The following ANKRD24 variants were observed in gnomAD, a reference collection of about 807,000 sequenced individuals.
ANKRD24 encodes the protein ankyrin repeat domain 24, also known as ankyrin repeat domain-containing protein 24.
ANKRD24 carries 109 observed loss-of-function variants against 127.8 expected under a neutral mutation model. That is an observed-to-expected ratio of 0.85 (90% CI 0.73 to 1.00). The LOEUF is 1.00. Among genes scored for constraint, ANKRD24 ranks in the 50% least tolerant of loss-of-function variants. ANKRD24 has a pLI of 0.00. For missense variants in ANKRD24, 1,648 were observed against 1,570.2 expected (o/e 1.05, Z -0.84); for synonymous variants, 743 against 671.1 (o/e 1.11, Z -1.66).
At chr19:4,209,014 T>TG in intron 11 of ANKRD24, 3 of 284,354 alleles carry the variant, frequency 1.1e-5, no homozygotes, top group Non-Finnish European at 1.4e-5. Context: ...GGCCAAATTA[T>TG]GGGGCTGGGG....
intron 1 of ANKRD24, among the ~76,000 whole-genome samples, chr19:4,184,022 A>G (rs1404325360): frequency 4.6e-5 from 7 of 152,350 alleles, no homozygotes; most frequent in Non-Finnish European, 7.4e-5. Context: ...GCAAAGGCTG[A>G]GAAAGAGGAA....
intron 1 of ANKRD24, among the ~76,000 whole-genome samples, chr19:4,185,609 G>A (rs1356675539): frequency 6.6e-6 from 1 of 152,224 alleles, no homozygotes; most frequent in African/African-American, 2.4e-5. Flanking sequence ...CAGGTGGACA[G>A]AAGTGCACGT....
Position 4,216,369 on chromosome 19 carries a change from C to T in ANKRD24, c.1356C>T (p.Thr452=), listed in dbSNP as rs1392789423. The T allele has an allele frequency of 6.4e-7, 1 of 1,573,190 alleles. No homozygotes were observed. Among genetic ancestry groups the T allele is most frequent in the Admixed American group, 1.9e-5 (1 of 53,562 alleles). Residue 452 remains threonine (T), a synonymous_variant, in exon 17 of 22, where the codon ACC becomes ACT. Transcript: ENST00000318934. ...ASLQEQVAVL[T]RQNQELMEKV... ...TGCAGGAACAGGTGGCTGTGCTCAC[C>T]AGACAGAACCAGGAACTGATGGAGA...
In ANKRD24 at chr19:4,199,836, G is replaced by C. The variant is rs1243305933; in HGVS notation, c.124-39G>C. 1 of 1,542,902 alleles carries C rather than the reference G, an allele frequency of 6.5e-7. No individual in the cohort carries two copies. Among genetic ancestry groups the C allele is most frequent in the South Asian group, 1.2e-5 (1 of 83,922 alleles). On this transcript the variant is annotated intron_variant, in intron 3 of 21. Transcript: ENST00000318934. The surrounding 1 kb of genome is among the most constrained non-coding windows in gnomAD (Gnocchi z 5.2). ...TCGGGGGCGTGGGGAGGGGACAGCA[G>C]CCAACACTGCCCCACGCACTTCTGG...
At chr19:4,202,986 T>C in intron 7 of ANKRD24, 60 bp downstream of exon 7, 1 of 1,434,312 alleles carries the variant, frequency 7.0e-7, no homozygotes, top group Admixed American at 2.4e-5. Flanking sequence ...ACTTGGGGGT[T>C]ATTCTGCCCA....
Position 4,199,864 on chromosome 19 carries a change from G to C in ANKRD24, c.124-11G>C. ...AACACTGCCCCACGCACTTCTGGGCGTGCCCTGCAGAGTCAAGACTGGGGC... is the reference window on the plus strand; with the variant it reads ...AACACTGCCCCACGCACTTCTGGGCCTGCCCTGCAGAGTCAAGACTGGGGC... On this transcript the variant is annotated splice_polypyrimidine_tract_variant and intron_variant, in intron 3 of 21. Transcript: ENST00000318934. This position sits in a 1 kb window ranked among gnomAD's most constrained non-coding sequence, Gnocchi z 5.2. The C allele has an allele frequency of 1.3e-6, 2 of 1,564,336 alleles. No individual in the cohort carries two copies. Among genetic ancestry groups the C allele is most frequent in the Middle Eastern group, 1.7e-4 (1 of 6,004 alleles).
intron 2 of ANKRD24, among the ~76,000 whole-genome samples, chr19:4,190,623 C>T (rs1383485632): frequency 6.6e-6 from 1 of 152,064 alleles, no homozygotes; most frequent in African/African-American, 2.4e-5. Context: ...ATCCCAGCTA[C>T]TCAGGAGGCT....
chr19:4,224,297 G>C, intron 21 of ANKRD24, 105 bp downstream of exon 21: 1 of 1,424,572 alleles, frequency 7.0e-7, no homozygotes, highest in Non-Finnish European at 9.7e-7. Flanking sequence ...TCTGGGGAGA[G>C]GTTCGTGGCA....
chr19:4,200,261 A>C, intron 5 of ANKRD24, 90 bp downstream of exon 5: 2 of 1,351,568 alleles, frequency 1.5e-6, no homozygotes, highest in Non-Finnish European at 2.0e-6. Context: ...CCAGGTCTCA[A>C]TGTTCCCCGC....
At position 4,195,463 on chromosome 19, in the gene ANKRD24, T is replaced by C. The variant is rs183747646; in HGVS notation, c.37-4220T>C. 2.0e-5 allele frequency among the ~76,000 whole-genome samples: 3 copies of C among 152,270 alleles called. No homozygotes were observed. In the East Asian group the frequency reaches 5.8e-4, roughly 29 times the overall value. ...CTGAGCTGGGAGATCCGTTTCGGTC[T>C]CTTCTCTGGAGAAGCTCAGAGGACC... On this transcript the variant is annotated intron_variant, in intron 2 of 21. Transcript: ENST00000318934. This position sits in a 1 kb window ranked among gnomAD's most constrained non-coding sequence, Gnocchi z 4.2.
At chr19:4,220,215 C>T (rs1182371437) in intron 19 of ANKRD24, among the ~76,000 whole-genome samples, 5 of 152,164 alleles carry the variant, frequency 3.3e-5, no homozygotes, top group Non-Finnish European at 7.3e-5. Flanking sequence ...TCAAGTGATC[C>T]GCCTGCCTCA....
At position 4,190,017 on chromosome 19, in the gene ANKRD24, A is replaced by G. The variant is rs527438764; in HGVS notation, c.36+3556A>G. Among the ~76,000 whole-genome samples the G allele has an allele frequency of 4.5e-4, 69 of 152,292 alleles. 2 individuals carry two copies. In the South Asian group the frequency reaches 0.014, roughly 32 times the overall value. ...AAACGGTCCATTAACTGCCTACAAA[A>G]TGTGGCATTGGGTGAGCTTCATTCA... On this transcript the variant is annotated intron_variant, in intron 2 of 21. Transcript: ENST00000318934.
At chr19:4,188,401 T>TTTTTTA (rs1968189552) in intron 2 of ANKRD24, among the ~76,000 whole-genome samples, 2 of 104,146 alleles carry the variant, frequency 1.9e-5, no homozygotes, top group African/African-American at 8.1e-5. Flanking sequence ...TTTTTTTTTT[T>TTTTTTA]GAGACAGAGT....
At chr19:4,188,553 T>A (rs936910477) in intron 2 of ANKRD24, among the ~76,000 whole-genome samples, 1 of 151,616 alleles carries the variant, frequency 6.6e-6, no homozygotes, top group Non-Finnish European at 1.5e-5. Context: ...TGGGCTAATT[T>A]TTATTTTTTG....
At position 4,198,186 on chromosome 19, in the gene ANKRD24, C is replaced by T. The variant is rs1377519693; in HGVS notation, c.37-1497C>T. The T allele has an allele frequency of 3.5e-6, 2 of 571,710 alleles. No homozygotes were observed. Among genetic ancestry groups the T allele is most frequent in the Non-Finnish European group, 6.2e-6 (2 of 322,966 alleles). The allele number at this position is 571,710 out of a possible 1,614,324, so 35.4% of individuals were successfully genotyped here. ...GGTGAGGGAGCCGGGCCCCCGGCGC[C>T]GCGTCCTCCTCATCCTCCAGGCGAC... On this transcript the variant is annotated intron_variant, in intron 2 of 21. Transcript: ENST00000318934. The surrounding 1 kb of genome is among the most constrained non-coding windows in gnomAD (Gnocchi z 6.1).
rs1404262000 is a variant in ANKRD24, at chr19:4,195,583, T to C, written c.37-4100T>C. Among the ~76,000 whole-genome samples, 2 of 152,018 alleles carry C rather than the reference T, an allele frequency of 1.3e-5. No homozygotes were observed. Among genetic ancestry groups the C allele is most frequent in the Non-Finnish European group, 2.9e-5 (2 of 67,996 alleles). ...TCCATTTTCCTGCCTTGGTTCCCAC[T>C]CCTCCCTCCTCTTGTCCAAACATGT... On this transcript the variant is annotated intron_variant, in intron 2 of 21. Coordinates refer to ENST00000318934, the MANE Select transcript of ANKRD24 (RefSeq NM_001393985.1). The surrounding 1 kb of genome is among the most constrained non-coding windows in gnomAD (Gnocchi z 4.2).
chr19:4,222,340 G>T (rs1438145265), intron 19 of ANKRD24, among the ~76,000 whole-genome samples: 3 of 152,198 alleles, frequency 2.0e-5, no homozygotes. Context: ...AGTGAGCTGA[G>T]ATCACACCAC....
chr19:4,203,856 G>A (rs1889521291), intron 7 of ANKRD24, among the ~76,000 whole-genome samples: 3 of 151,548 alleles, frequency 2.0e-5, no homozygotes, highest in Admixed American at 1.3e-4. Flanking sequence ...TCACCATGTT[G>A]GCCAGGCTCA....
chr19:4,216,942 C>A lies in ANKRD24; in HGVS notation c.1782C>A (p.Ala594=). 1 of 1,611,496 alleles carries A rather than the reference C, an allele frequency of 6.2e-7. No individual in the cohort carries two copies. The highest frequency in any genetic ancestry group is 8.5e-7 in the Non-Finnish European group (1 of 1,178,958). The change falls in exon 18 of 22, where the codon GCC becomes GCA. Residue 594 remains alanine (A), a synonymous_variant. Transcript: ENST00000318934. ...AEATGAEATG[A]KVTETKPTGA... ...CCACGGGAGCTGAGGCCACAGGAGC[C>A]AAGGTCACAGAAACAAAACCCACAG... is the stretch of plus-strand genomic sequence containing the variant.
Sources: allele counts gnomAD v4.1 joint callset (sites outside exome capture counted in the v4.1 genomes callset), GRCh38; gene constraint gnomAD v4.1.1; non-coding constraint Gnocchi (gnomAD v3.1); transcripts MANE v1.5; gene names NCBI Gene and HGNC (gene_info 2026-07-23, HGNC 2026-07-21).